TLE1: variants seen among roughly 807,000 people sequenced by gnomAD.
TLE1 encodes transducin-like enhancer protein 1.
Under a neutral mutation model 89.8 loss-of-function variants are expected in TLE1, and 21 were observed. That is an observed-to-expected ratio of 0.23 (90% CI 0.17 to 0.34). The LOEUF (loss-of-function observed/expected upper bound fraction) is 0.34, where lower values mean the gene tolerates loss of function less well. TLE1 is among the 10% of genes least tolerant of loss of function. The probability of loss-of-function intolerance (pLI) is 1.00; values close to 1 mark genes in which losing one functional copy is unlikely to be tolerated. For synonymous variants in TLE1, 447 were observed against 407.6 expected, an observed-to-expected ratio of 1.10 and a Z score of -1.16; for missense variants, 795 against 1,031.2, an observed-to-expected ratio of 0.77 and a Z score of 3.14.
chr9:81,627,672 G>GTA (rs942507379), intron 8 of TLE1, among the ~76,000 whole-genome samples: 2 of 152,096 alleles, frequency 1.3e-5, no homozygotes, highest in African/African-American at 4.8e-5. Context: ...ACTCATCTCA[G>GTA]TTTTAGCCTT....
chr9:81,613,754 CT>C (rs2132084755), intron 11 of TLE1, among the ~76,000 whole-genome samples: 1 of 152,240 alleles, frequency 6.6e-6, no homozygotes, highest in South Asian at 2.1e-4. Context: ...ACACTTCTTC[CT>C]CCGCAGATTT....
rs753859629 is a variant in TLE1, at chr9:81,603,092, G to C, written c.1331+7128C>G. On this transcript the variant is annotated intron_variant, in intron 14 of 19. Transcript: ENST00000376499. Reference sequence around the variant, plus strand: ...TGATTGACAACAGCGTGAAGTCACCGGGCCTTTGCACATGCTGCTCTCTCC... The same window carrying C: ...TGATTGACAACAGCGTGAAGTCACCCGGCCTTTGCACATGCTGCTCTCTCC... Among the ~76,000 whole-genome samples the C allele has an allele frequency of 2.7e-4, 41 of 152,232 alleles. No individual in the cohort carries two copies. In the South Asian group the frequency reaches 3.5e-3, roughly 13 times the overall value.
At chr9:81,649,451 A>G (rs1336743736) in intron 6 of TLE1, among the ~76,000 whole-genome samples, 2 of 152,198 alleles carry the variant, frequency 1.3e-5, no homozygotes, top group African/African-American at 4.8e-5. Context: ...AAATATCTTT[A>G]GCCCTGTCAA....
intron 4 of TLE1, among the ~76,000 whole-genome samples, chr9:81,681,375 A>AC (rs1790690326): frequency 6.6e-6 from 1 of 151,890 alleles, no homozygotes; most frequent in Non-Finnish European, 1.5e-5. Flanking sequence ...ATATAGTGAA[A>AC]CCCCATCTCT....
At chr9:81,608,716 C>A (rs1015223626) in intron 14 of TLE1, among the ~76,000 whole-genome samples, 1 of 152,076 alleles carries the variant, frequency 6.6e-6, no homozygotes. Context: ...CAGGGCAGAT[C>A]AGCTGAGGTC....
At chr9:81,650,355 T>C (rs1829389168) in intron 6 of TLE1, among the ~76,000 whole-genome samples, 2 of 152,330 alleles carry the variant, frequency 1.3e-5, no homozygotes, top group South Asian at 2.1e-4. Context: ...CATGAAATTA[T>C]ATGTCGTAAT....
rs922340088 is a variant in TLE1, at chr9:81,688,241, C to A, written c.-1G>T. 6.3e-7 allele frequency: 1 copy of A among 1,588,652 alleles called. No individual in the cohort carries two copies. ...CCGGGTGCCGGCTCTGCGGGAACAT[C>A]GCTCTGGCGGCGGCCGGGGCTCTGT... On this transcript the variant is annotated 5_prime_UTR_variant, in exon 1 of 20. Transcript: ENST00000376499.
In TLE1 at chr9:81,591,272, G is replaced by A. The variant is rs184861177; in HGVS notation, c.1582-220C>T. 7.2e-4 allele frequency among the ~76,000 whole-genome samples: 109 copies of A among 152,318 alleles called. 1 individual carries two copies. The highest frequency in any genetic ancestry group is 2.5e-3 in the African/African-American group (103 of 41,578). ...AGGAGCTTAGGTAACTGCTTCTGGT[G>A]TCCTGCATCACAGAGCTGAAACTAT... On this transcript the variant is annotated intron_variant, in intron 15 of 19. Transcript: ENST00000376499.
chr9:81,615,969 T>C lies in TLE1; in HGVS notation c.918+13A>G, dbSNP rs764417473. 1.9e-6 allele frequency: 3 copies of C among 1,613,180 alleles called. No homozygotes were observed. Among genetic ancestry groups the C allele is most frequent in the Non-Finnish European group, 2.5e-6 (3 of 1,179,976 alleles). On this transcript the variant is annotated intron_variant, in intron 11 of 19. Coordinates refer to ENST00000376499, the MANE Select transcript of TLE1 (RefSeq NM_005077.5). ...CACTGCCAAACAGGCAAGTGTCAGTTTTCTTTACCTACCAAGCTCATTTCT... is the reference window on the plus strand; with the variant it reads ...CACTGCCAAACAGGCAAGTGTCAGTCTTCTTTACCTACCAAGCTCATTTCT...
At chr9:81,591,135 T>C (rs754036610) in intron 15 of TLE1, 83 bp from the exon 16 acceptor site, 368 of 1,543,198 alleles carry the variant, frequency 2.4e-4, no homozygotes, top group Non-Finnish European at 3.0e-4. Context: ...TCTTGGTTTT[T>C]TGAGTTAAGA....
chr9:81,600,971 G>C (rs1181168086), intron 14 of TLE1, among the ~76,000 whole-genome samples: 1 of 152,144 alleles, frequency 6.6e-6, no homozygotes, highest in African/African-American at 2.4e-5. Context: ...CAGCTTTCCC[G>C]GGCCTCCAGC....
Position 81,587,688 on chromosome 9 carries a change from G to T in TLE1, c.1970C>A (p.Thr657Asn). 1.2e-6 allele frequency: 2 copies of T among 1,611,696 alleles called. No homozygotes were observed. Among genetic ancestry groups the T allele is most frequent in the Non-Finnish European group, 1.7e-6 (2 of 1,178,682 alleles). ...CGGAAGCCACTCAGTCACCTGGGAG[G>T]TGAAGTCGTGCTGCTGCAGCTGCCG... ...EGRQLQQHDFTSQIFSLGYCP... is the reference protein window; with the variant it reads ...EGRQLQQHDFNSQIFSLGYCP... Residue 657 changes from threonine (T) to asparagine (N), a missense_variant, in exon 17 of 20, where the codon ACC becomes AAC. This residue lies in a region of TLE1 where 214 missense variants were observed against 354.9 expected (regional missense o/e 0.60). Transcript: ENST00000376499.
chr9:81,629,530 G>T (rs1826313452), intron 8 of TLE1, among the ~76,000 whole-genome samples: 1 of 152,118 alleles, frequency 6.6e-6, no homozygotes, highest in Non-Finnish European at 1.5e-5. Flanking sequence ...AAACTTTAAA[G>T]CAGTTTCCAT....
chr9:81,585,715 C>A, intron 17 of TLE1, 60 bp from the exon 18 acceptor site: 2 of 1,581,476 alleles, frequency 1.3e-6, no homozygotes, highest in South Asian at 2.3e-5. Context: ...GAAGGGAAGA[C>A]GCAATGTGAA....
intron 14 of TLE1, among the ~76,000 whole-genome samples, chr9:81,607,112 G>C (rs970512292): frequency 6.6e-6 from 1 of 151,164 alleles, no homozygotes. Context: ...TTTAGAGCAA[G>C]CAATGATTGC....
At chr9:81,632,077 G>A (rs573537291) in intron 8 of TLE1, among the ~76,000 whole-genome samples, 21 of 151,504 alleles carry the variant, frequency 1.4e-4, no homozygotes, top group Non-Finnish European at 2.8e-4. Context: ...GTGACAGAGC[G>A]AAGACTCCAT....
chr9:81,612,414 G>A, intron 12 of TLE1: 2 of 966,102 alleles, frequency 2.1e-6, no homozygotes, highest in Non-Finnish European at 2.5e-6. Context: ...GTAAACCAAA[G>A]CACGGGTTTA....
intron 1 of TLE1, 150 bp downstream of exon 1, chr9:81,688,067 C>A (rs1834588371): frequency 1.1e-6 from 1 of 950,154 alleles, no homozygotes; most frequent in Non-Finnish European, 1.6e-6. Flanking sequence ...CTCCCCACCC[C>A]AGGAAGAGAG....
chr9:81,636,178 T>C (rs374750987), intron 6 of TLE1, among the ~76,000 whole-genome samples: 2 of 152,070 alleles, frequency 1.3e-5, no homozygotes, highest in Admixed American at 6.6e-5. Flanking sequence ...GAGATCATAA[T>C]AACAATTTCT....
Sources: allele counts gnomAD v4.1 joint callset (sites outside exome capture counted in the v4.1 genomes callset), GRCh38; gene constraint gnomAD v4.1.1; regional missense constraint gnomAD v4.1.1; transcripts MANE v1.5; gene names NCBI Gene and HGNC (gene_info 2026-07-23, HGNC 2026-07-21).